The following PPP6R3 variants were observed in gnomAD, a reference collection of about 807,000 sequenced individuals.
PPP6R3 encodes protein phosphatase 6 regulatory subunit 3.
Under a neutral mutation model 110.7 loss-of-function variants are expected in PPP6R3, and 38 were observed. The ratio of observed to expected loss-of-function variants is 0.34; its 90% CI spans 0.26 to 0.45. The LOEUF (loss-of-function observed/expected upper bound fraction) is 0.45, where lower values mean the gene tolerates loss of function less well. Ranked by LOEUF, PPP6R3 falls within the 20% of genes least tolerant of loss-of-function variation. The probability of loss-of-function intolerance (pLI) is 1.00; values close to 1 mark genes in which losing one functional copy is unlikely to be tolerated. For synonymous variants in PPP6R3, 369 were observed against 373.5 expected, an observed-to-expected ratio of 0.99 and a Z score of 0.14; for missense variants, 870 against 1,062.4, an observed-to-expected ratio of 0.82 and a Z score of 2.52.
intron 14 of PPP6R3, among the ~76,000 whole-genome samples, chr11:68,580,823 G>A (rs1040965077): frequency 8.7e-6 from 1 of 115,174 alleles, no homozygotes; most frequent in Non-Finnish European, 1.6e-5. Flanking sequence ...CCAGGCTGGA[G>A]TGCAGTGGCA....
At chr11:68,559,542 A>C (rs2099411318) in intron 8 of PPP6R3, among the ~76,000 whole-genome samples, 1 of 152,202 alleles carries the variant, frequency 6.6e-6, no homozygotes, top group Non-Finnish European at 1.5e-5. Context: ...TTAGCGGTGT[A>C]ATTTTGGTTT....
chr11:68,609,985 C>G lies in PPP6R3; in HGVS notation c.2532C>G (p.Cys844Trp), dbSNP rs372938734. The G allele has an allele frequency of 5.0e-6, 8 of 1,614,000 alleles. No homozygotes were observed. The highest frequency in any genetic ancestry group is 6.8e-6 in the Non-Finnish European group (8 of 1,180,038). The change falls in exon 23 of 24, where the codon TGC becomes TGG. Residue 844 changes from cysteine (C) to tryptophan (W), a missense_variant. Transcript: ENST00000393800. ...EECPETAEAK[C>W]AAPRPPSSSP... ...GTCCCGAGACTGCAGAGGCGAAGTG[C>G]GCGGCGCCCAGGCCTCCCAGCAGCA...
intron 1 of PPP6R3, among the ~76,000 whole-genome samples, chr11:68,475,401 C>T (rs2098821744): frequency 6.6e-6 from 1 of 152,200 alleles, no homozygotes; most frequent in African/African-American, 2.4e-5. Context: ...CCATCGTCAT[C>T]ATGGCCCATT....
intron 21 of PPP6R3, 126 bp downstream of exon 21, chr11:68,602,095 C>T: frequency 3.0e-6 from 2 of 662,486 alleles, no homozygotes; most frequent in South Asian, 4.1e-5. Context: ...GTCCACAGGG[C>T]AGCTGATGAA....
In PPP6R3 at chr11:68,600,507, G is replaced by T; in HGVS notation, c.2192+13G>T. The T allele has an allele frequency of 1.2e-6, 2 of 1,611,564 alleles. No individual in the cohort carries two copies. Among genetic ancestry groups the T allele is most frequent in the Non-Finnish European group, 1.7e-6 (2 of 1,179,134 alleles). ...CGTCTTCCCTGAGGTGAGCGAACAT[G>T]TGCTGTCTCTACACCCTTCCACGGG... On this transcript the variant is annotated intron_variant, in intron 20 of 23. Transcript: ENST00000393800.
chr11:68,556,643 T>G (rs1332851161), intron 7 of PPP6R3, among the ~76,000 whole-genome samples: 1 of 152,110 alleles, frequency 6.6e-6, no homozygotes, highest in Non-Finnish European at 1.5e-5. Flanking sequence ...TGAGTTTTAG[T>G]GATGTCTATC....
rs549117013 is a variant in PPP6R3 at position 68,517,831 on chromosome 11, A to G, written c.-157-1670A>G. ...CGGTTGCTTCTAATCCCAGCTACTC[A>G]GGAGGCTGAGGCAGGAGGATCACTT... On this transcript the variant is annotated intron_variant, in intron 1 of 23. Coordinates refer to ENST00000393800, the MANE Select transcript of PPP6R3 (RefSeq NM_001164161.2). Among the ~76,000 whole-genome samples the G allele has an allele frequency of 7.9e-5, 12 of 152,094 alleles. No homozygotes were observed. The South Asian group carries it at 2.1e-3, about 26-fold the overall frequency.
At chr11:68,545,905 C>T (rs1019762672) in intron 4 of PPP6R3, among the ~76,000 whole-genome samples, 3 of 152,186 alleles carry the variant, frequency 2.0e-5, no homozygotes, top group Non-Finnish European at 4.4e-5. Flanking sequence ...GCAGATTTGC[C>T]AGAATTGCAA....
chr11:68,553,130 A>T (rs1470850383), intron 6 of PPP6R3, among the ~76,000 whole-genome samples: 2 of 152,004 alleles, frequency 1.3e-5, no homozygotes, highest in African/African-American at 4.8e-5. Context: ...CTGTATTGGG[A>T]GCACATTGCT....
At chr11:68,609,707 T>A in intron 22 of PPP6R3, 197 bp from the exon 23 acceptor site, 1 of 1,574,798 alleles carries the variant, frequency 6.4e-7, no homozygotes, top group Non-Finnish European at 8.7e-7. Context: ...CCCACCTGTG[T>A]GCGACCCTTT....
At chr11:68,611,810 G>GTCTA (rs1943567833) in intron 23 of PPP6R3, among the ~76,000 whole-genome samples, 1 of 152,206 alleles carries the variant, frequency 6.6e-6, no homozygotes, top group African/African-American at 2.4e-5. Context: ...GTTCTAAAGT[G>GTCTA]ACGTATGACA....
At chr11:68,520,099 A>G (rs2099156715) in intron 2 of PPP6R3, among the ~76,000 whole-genome samples, 1 of 152,178 alleles carries the variant, frequency 6.6e-6, no homozygotes, top group Non-Finnish European at 1.5e-5. Context: ...AGAAGTTTTT[A>G]TTAAAGATTA....
At chr11:68,531,307 T>TTTTATTTA (rs67798708) in intron 2 of PPP6R3, among the ~76,000 whole-genome samples, 24,472 of 136,790 alleles carry the variant, frequency 0.18, 2,361 homozygotes, top group East Asian at 0.27. Flanking sequence ...TGAGACTGTG[T>TTTTATTTA]TTTATTTATT....
intron 1 of PPP6R3, among the ~76,000 whole-genome samples, chr11:68,493,014 C>G (rs2098993274): frequency 6.6e-6 from 1 of 152,190 alleles, no homozygotes; most frequent in Non-Finnish European, 1.5e-5. Flanking sequence ...GTGGTCTCCA[C>G]TTTCATGGCT....
At chr11:68,566,630 G>A (rs1166822568) in intron 9 of PPP6R3, among the ~76,000 whole-genome samples, 1 of 152,072 alleles carries the variant, frequency 6.6e-6, no homozygotes, top group South Asian at 2.1e-4. Flanking sequence ...CAAAGTGCTG[G>A]GATTATAGGC....
At chr11:68,568,229 A>G (rs2099486772) in intron 10 of PPP6R3, among the ~76,000 whole-genome samples, 1 of 152,186 alleles carries the variant, frequency 6.6e-6, no homozygotes, top group Non-Finnish European at 1.5e-5. Flanking sequence ...CCTTCTGGGG[A>G]CGTAGTTTTT....
intron 20 of PPP6R3, among the ~76,000 whole-genome samples, 162 bp downstream of exon 20, chr11:68,600,656 A>G (rs531224240): frequency 6.6e-6 from 1 of 152,360 alleles, no homozygotes; most frequent in African/African-American, 2.4e-5. Context: ...CTGTGTTGTA[A>G]GAAGAACAAT....
chr11:68,583,006 CTA>C (rs1392881601), intron 14 of PPP6R3, 35 bp from the exon 15 acceptor site: 178 of 1,356,618 alleles, frequency 1.3e-4, no homozygotes, highest in Non-Finnish European at 1.7e-4. Context: ...CAAAACTTTT[CTA>C]TGTTAAATAG....
chr11:68,548,248 G>A (rs772187903), intron 5 of PPP6R3, 44 bp downstream of exon 5: 1 of 1,607,474 alleles, frequency 6.2e-7, no homozygotes. Flanking sequence ...TTAGGGTGCT[G>A]GCATGTGAGC....
Sources: allele counts gnomAD v4.1 joint callset (sites outside exome capture counted in the v4.1 genomes callset), GRCh38; gene constraint gnomAD v4.1.1; transcripts MANE v1.5; gene names NCBI Gene and HGNC (gene_info 2026-07-23, HGNC 2026-07-21).